FCRL4: variants seen among roughly 807,000 people sequenced by gnomAD.
FCRL4 encodes the protein Fc receptor like 4.
In FCRL4, 43 loss-of-function variants were observed where a neutral mutation model predicts 64.1. The ratio of observed to expected loss-of-function variants is 0.67; its 90% CI spans 0.53 to 0.87. The LOEUF is 0.87. Ranked by LOEUF, FCRL4 falls within the 40% of genes least tolerant of loss-of-function variation. The pLI is 0.00. For synonymous variants in FCRL4, 253 were observed against 239.8 expected (o/e 1.05, Z -0.51); for missense variants, 656 against 613.5 (o/e 1.07, Z -0.73).
intron 1 of FCRL4, among the ~76,000 whole-genome samples, chr1:157,597,704 A>G (rs1042481883): frequency 1.3e-5 from 2 of 152,248 alleles, no homozygotes; most frequent in Admixed American, 6.5e-5. Flanking sequence ...TAGGCAATTC[A>G]TAGCAAAAAT....
chr1:157,595,607 G>C (rs904889065), intron 2 of FCRL4, among the ~76,000 whole-genome samples: 2 of 152,208 alleles, frequency 1.3e-5, no homozygotes, highest in African/African-American at 4.8e-5. Flanking sequence ...AGAACCATTA[G>C]CAAAGTCTGC....
intron 6 of FCRL4, among the ~76,000 whole-genome samples, chr1:157,585,348 T>TCTCTCTC (rs1558155010): frequency 3.3e-5 from 2 of 60,934 alleles, no homozygotes; most frequent in Non-Finnish European, 6.1e-5. Context: ...CTCTCTCTCT[T>TCTCTCTC]TCTTTCTTTC....
intron 2 of FCRL4, among the ~76,000 whole-genome samples, chr1:157,590,570 T>G (rs1373796726): frequency 6.7e-6 from 1 of 149,960 alleles, no homozygotes; most frequent in Non-Finnish European, 1.5e-5. Context: ...CAGGCTGGAG[T>G]ACAGTGGCAT....
intron 6 of FCRL4, among the ~76,000 whole-genome samples, chr1:157,584,028 G>A (rs1046505049): frequency 6.6e-6 from 1 of 152,162 alleles, no homozygotes; most frequent in African/African-American, 2.4e-5. Flanking sequence ...TCACTGCCTG[G>A]ATCAGGAGAA....
intron 7 of FCRL4, 187 bp from the exon 8 acceptor site, chr1:157,580,535 A>C (rs1652536919): frequency 3.2e-6 from 2 of 617,110 alleles, no homozygotes. Flanking sequence ...TGAGGCCAGG[A>C]CTGCACACTC....
In FCRL4 at chr1:157,578,574, C is replaced by T. The variant is rs200958174; in HGVS notation, c.1361-32G>A. 3.1e-5 allele frequency: 49 copies of T among 1,586,054 alleles called. No individual in the cohort carries two copies. The African/African-American group carries it at 3.2e-4, about 10-fold the overall frequency. ...AGAAAAGACATTTTCAAGGCTGTTC[C>T]TGTTAGTATTAAAGTGCTACAGATG... On this transcript the variant is annotated intron_variant, in intron 9 of 11. Coordinates refer to ENST00000271532, the MANE Select transcript of FCRL4 (RefSeq NM_031282.3).
chr1:157,585,340 C>CTTTCTT, intron 6 of FCRL4, among the ~76,000 whole-genome samples: 1 of 99,506 alleles, frequency 1.0e-5, no homozygotes, highest in Non-Finnish European at 2.0e-5. Context: ...CTTTCTTTCT[C>CTTTCTT]TCTCTCTTTC....
At chr1:157,580,237 A>T (rs1652529161) in intron 8 of FCRL4, 84 bp downstream of exon 8, 1 of 1,444,126 alleles carries the variant, frequency 6.9e-7, no homozygotes, top group African/African-American at 1.4e-5. Context: ...AAGAGGTATA[A>T]CTTGACCTAA....
In FCRL4 at chr1:157,587,732, T is replaced by C; in HGVS notation, c.562+133A>G. 3 of 1,126,060 alleles carry C rather than the reference T, an allele frequency of 2.7e-6. No individual in the cohort carries two copies. In the South Asian group the frequency reaches 4.8e-5, roughly 18 times the overall value. The allele number at this position is 1,126,060 out of a possible 1,614,324, so 69.8% of individuals were successfully genotyped here. A position where few individuals can be genotyped will look rare whatever the true frequency, so the allele number is the denominator to read the frequency against. ...TTATTCAGGTCCAATCACCCCACTT[T>C]CTCTGCCTCTTAGAGGATTTGTGCC... On this transcript the variant is annotated intron_variant, in intron 4 of 11. Transcript: ENST00000271532.
intron 2 of FCRL4, among the ~76,000 whole-genome samples, chr1:157,590,781 T>C (rs1382671430): frequency 6.6e-6 from 1 of 152,134 alleles, no homozygotes; most frequent in Non-Finnish European, 1.5e-5. Context: ...CCTCCCAAAG[T>C]GCTGGAATTG....
chr1:157,575,638 G>A lies in FCRL4; in HGVS notation c.1462-28C>T, dbSNP rs756761107. On this transcript the variant is annotated intron_variant, in intron 11 of 11. Coordinates refer to ENST00000271532, the MANE Select transcript of FCRL4 (RefSeq NM_031282.3). Reference sequence around the variant, plus strand: ...GAAATGGAAGAAAGAAGTGGAAACCGAGAGGGAGTGTGAGGCTGCAGGTAA... The same window carrying A: ...GAAATGGAAGAAAGAAGTGGAAACCAAGAGGGAGTGTGAGGCTGCAGGTAA... 30 of 1,611,554 alleles carry A rather than the reference G, an allele frequency of 1.9e-5. 1 individual carries two copies. Among genetic ancestry groups the A allele is most frequent in the South Asian group, 3.3e-5 (3 of 91,038 alleles).
In FCRL4 at chr1:157,585,345, T is replaced by C. The variant is rs552476726; in HGVS notation, c.1135+823A>G. The stretch of plus-strand genomic sequence containing the variant: ...TTCCTTCTCTCTTTCTTTCTCTCTC[T>C]CTTTCTTTCTTTCTTTCTTTCTTTC... On this transcript the variant is annotated intron_variant, in intron 6 of 11. Transcript: ENST00000271532. 6.6e-4 allele frequency among the ~76,000 whole-genome samples: 9 copies of C among 13,634 alleles called. No homozygotes were observed. In the South Asian group the frequency reaches 0.017, roughly 26 times the overall value. The allele number at this position is 13,634 out of a possible 152,430, so 8.9% of individuals were successfully genotyped here. A position where few individuals can be genotyped will look rare whatever the true frequency, so the allele number is the denominator to read the frequency against.
chr1:157,592,506 C>T (rs1387963794), intron 2 of FCRL4, among the ~76,000 whole-genome samples: 1 of 152,294 alleles, frequency 6.6e-6, no homozygotes, highest in East Asian at 1.9e-4. Context: ...CACTGGCCAT[C>T]AGAGAAATGC....
Position 157,574,143 on chromosome 1 carries a change from A to G in FCRL4, c.*1381T>C, listed in dbSNP as rs942307979. ...CTTTTCTTTATGTTGAAAATATTCTAATTACTTTTCTTCATTTTTCTTTTC... is the reference window on the plus strand; with the variant it reads ...CTTTTCTTTATGTTGAAAATATTCTGATTACTTTTCTTCATTTTTCTTTTC... On this transcript the variant is annotated 3_prime_UTR_variant, in exon 12 of 12. Transcript: ENST00000271532. The G allele has an allele frequency of 4.6e-6, 1 of 218,266 alleles. No individual in the cohort carries two copies. The highest frequency in any genetic ancestry group is 1.9e-4 in the South Asian group (1 of 5,362). The allele number at this position is 218,266 out of a possible 1,614,324, so 13.5% of individuals were successfully genotyped here. A position where few individuals can be genotyped will look rare whatever the true frequency, so the allele number is the denominator to read the frequency against.
chr1:157,592,070 C>G (rs923336828), intron 2 of FCRL4, among the ~76,000 whole-genome samples: 1 of 152,140 alleles, frequency 6.6e-6, no homozygotes, highest in East Asian at 1.9e-4. Flanking sequence ...GGATCCCTTC[C>G]TTACACCTTA....
chr1:157,588,092 G>C lies in FCRL4; in HGVS notation c.335C>G (p.Ser112Cys), dbSNP rs1303614791. The change falls in exon 4 of 12, where the codon TCT (serine) becomes TGT (cysteine). Residue 112 changes from serine to cysteine, a missense_variant. By Grantham distance (112) the Ser-to-Cys change is moderately radical (BLOSUM62 -1). Transcript: ENST00000271532. ...AACCAATGTGTCACCTTCAAACACA[G>C]AATATGGTGCCTGCAGGATTAAGGA... ...SDSLILQAPY[S>C]VFEGDTLVLR... 1 of 1,613,556 alleles carries C rather than the reference G, an allele frequency of 6.2e-7. No homozygotes were observed. Among genetic ancestry groups the C allele is most frequent in the Non-Finnish European group, 8.5e-7 (1 of 1,179,848 alleles).
At chr1:157,591,791 C>A (rs1652845234) in intron 2 of FCRL4, among the ~76,000 whole-genome samples, 1 of 152,178 alleles carries the variant, frequency 6.6e-6, no homozygotes, top group Non-Finnish European at 1.5e-5. Flanking sequence ...AAGTAAGTGA[C>A]TTCTCTTCCT....
At chr1:157,589,602 A>T in intron 2 of FCRL4, 144 bp from the exon 3 acceptor site, 1 of 1,038,404 alleles carries the variant, frequency 9.6e-7, no homozygotes, top group Non-Finnish European at 1.4e-6. Context: ...GTTGCAGGTG[A>T]GCTGTGCTCA....
rs1571133034 is a variant in FCRL4 at position 157,575,728 on chromosome 1, T to A, written c.1432A>T (p.Asn478Tyr). 4 of 1,613,704 alleles carry A rather than the reference T, an allele frequency of 2.5e-6. No individual in the cohort carries two copies. Among genetic ancestry groups the A allele is most frequent in the Non-Finnish European group, 3.4e-6 (4 of 1,179,696 alleles). ...TCCTCTAGAAGTGTCCTGGAGGTAT[T>A]AGCTGTGGACAGAAAGAGAATCACT... ...TTQLGEEEEANTSRTLLEDKD... is the reference protein window; with the variant it reads ...TTQLGEEEEAYTSRTLLEDKD... Residue 478 changes from asparagine to tyrosine, a missense_variant and splice_region_variant, in exon 11 of 12, where the codon AAT becomes TAT. Transcript: ENST00000271532.
Sources: allele counts gnomAD v4.1 joint callset (sites outside exome capture counted in the v4.1 genomes callset), GRCh38; gene constraint gnomAD v4.1.1; transcripts MANE v1.5; gene names NCBI Gene and HGNC (gene_info 2026-07-23, HGNC 2026-07-21).